The following PHLPP1 variants were observed in gnomAD, a reference collection of about 807,000 sequenced individuals.
PHLPP1 encodes PH domain leucine-rich repeat-containing protein phosphatase 1.
In PHLPP1, 42 loss-of-function variants were observed where a neutral mutation model predicts 117.2. The ratio of observed to expected loss-of-function variants is 0.36; its 90% confidence interval spans 0.28 to 0.46. PHLPP1 has a LOEUF of 0.46. Ranked by LOEUF, PHLPP1 falls within the 20% of genes least tolerant of loss-of-function variation. The pLI is 1.00. For synonymous variants in PHLPP1, 1,042 were observed against 970.7 expected (o/e 1.07, Z -1.37); for missense variants, 2,084 against 2,241.9 (o/e 0.93, Z 1.42).
intron 1 of PHLPP1, among the ~76,000 whole-genome samples, chr18:62,739,371 G>A (rs926915534): frequency 3.0e-4 from 46 of 152,186 alleles, no homozygotes; most frequent in African/African-American, 1.0e-3. Context: ...GTATTGTAGT[G>A]GTTACCTTTC....
chr18:62,789,439 A>G (rs1407522726), intron 1 of PHLPP1, among the ~76,000 whole-genome samples: 1 of 152,216 alleles, frequency 6.6e-6, no homozygotes, highest in Non-Finnish European at 1.5e-5. Flanking sequence ...CACATGGACA[A>G]ATAACGTTTC....
chr18:62,965,651 G>T (rs1910880316), intron 14 of PHLPP1, among the ~76,000 whole-genome samples: 1 of 150,372 alleles, frequency 6.7e-6, no homozygotes. Context: ...TAGAAACAGG[G>T]TTTCACCATG....
chr18:62,842,843 T>C (rs1915088164), intron 3 of PHLPP1: 1 of 152,250 alleles, frequency 6.6e-6, no homozygotes, highest in African/African-American at 2.4e-5. Context: ...CCTGTTTGGG[T>C]TTGAATCCTA....
At chr18:62,904,717 A>G (rs758401334) in intron 7 of PHLPP1, among the ~76,000 whole-genome samples, 1 of 152,230 alleles carries the variant, frequency 6.6e-6, no homozygotes, top group Non-Finnish European at 1.5e-5. Flanking sequence ...GCAGAAGGAC[A>G]TTTACAAACT....
Position 62,954,955 on chromosome 18 carries a change from C to T in PHLPP1, c.3325-3674C>T, listed in dbSNP as rs116173413. On this transcript the variant is annotated intron_variant, in intron 12 of 16. Transcript: ENST00000262719. ...AACATCTACACTTTCCAGTGCACTG[C>T]GCTTAGGATATCCGGGGAGAAACAG... 5.0e-3 allele frequency among the ~76,000 whole-genome samples: 755 copies of T among 152,214 alleles called. 3 individuals carry two copies. The highest frequency in any genetic ancestry group is 0.017 in the African/African-American group (712 of 41,500).
At chr18:62,819,076 G>T (rs1914371843) in intron 1 of PHLPP1, among the ~76,000 whole-genome samples, 1 of 152,172 alleles carries the variant, frequency 6.6e-6, no homozygotes, top group South Asian at 2.1e-4. Context: ...ATTACTGAAA[G>T]TTCAACAACC....
intron 3 of PHLPP1, among the ~76,000 whole-genome samples, chr18:62,858,471 C>T (rs138466652): frequency 6.6e-6 from 1 of 152,218 alleles, no homozygotes; most frequent in Non-Finnish European, 1.5e-5. Context: ...CCATATTGGC[C>T]AGGCTGGTCT....
chr18:62,840,010 C>A (rs984735475), intron 3 of PHLPP1: 1 of 151,778 alleles, frequency 6.6e-6, no homozygotes, highest in Non-Finnish European at 1.5e-5. Context: ...AGGAGCATTA[C>A]AATGGAATAT....
chr18:62,774,018 A>T (rs2144270828), intron 1 of PHLPP1, among the ~76,000 whole-genome samples: 1 of 152,274 alleles, frequency 6.6e-6, no homozygotes, highest in African/African-American at 2.4e-5. Flanking sequence ...CACCACCCAA[A>T]GGTCTCACTT....
chr18:62,764,499 T>C (rs1289912438), intron 1 of PHLPP1, among the ~76,000 whole-genome samples: 1 of 151,996 alleles, frequency 6.6e-6, no homozygotes, highest in African/African-American at 2.4e-5. Context: ...AGTGGGTTCT[T>C]ACTTGTACAA....
chr18:62,787,157 T>C (rs990469263), intron 1 of PHLPP1, among the ~76,000 whole-genome samples: 9 of 152,100 alleles, frequency 5.9e-5, no homozygotes, highest in East Asian at 1.9e-4. Flanking sequence ...TGCCTTTTTT[T>C]TCTCTCTTTT....
chr18:62,971,986 A>C (rs1274276124), intron 14 of PHLPP1, among the ~76,000 whole-genome samples: 1 of 151,570 alleles, frequency 6.6e-6, no homozygotes, highest in South Asian at 2.1e-4. Flanking sequence ...CAGTGAGCCG[A>C]GATCACACTA....
chr18:62,722,380 G>A (rs1910947413), intron 1 of PHLPP1, among the ~76,000 whole-genome samples: 1 of 152,188 alleles, frequency 6.6e-6, no homozygotes, highest in Admixed American at 6.5e-5. Context: ...TACTGTGAAA[G>A]TCCAGAGATC....
At chr18:62,885,101 A>G (rs1196588010) in intron 4 of PHLPP1, among the ~76,000 whole-genome samples, 1 of 152,258 alleles carries the variant, frequency 6.6e-6, no homozygotes, top group Admixed American at 6.5e-5. Context: ...TATAGATTGA[A>G]TAAGTGTTAA....
At chr18:62,730,540 G>A (rs967655007) in intron 1 of PHLPP1, among the ~76,000 whole-genome samples, 1 of 152,070 alleles carries the variant, frequency 6.6e-6, no homozygotes, top group African/African-American at 2.4e-5. Flanking sequence ...ATCTGTTTTC[G>A]GCCAGGTGCA....
intron 1 of PHLPP1, among the ~76,000 whole-genome samples, chr18:62,816,746 A>G (rs1416680396): frequency 3.3e-5 from 5 of 152,032 alleles, no homozygotes; most frequent in African/African-American, 7.2e-5. Context: ...TTTTTTGTCT[A>G]CTTGTACTTA....
Position 62,945,118 on chromosome 18 carries a change from G to A in PHLPP1, c.3171G>A (p.Ala1057=), listed in dbSNP as rs141928935. The change falls in exon 12 of 17, where the codon GCG becomes GCA. Residue 1057 remains alanine (A), a synonymous_variant. Transcript: ENST00000262719. The stretch of plus-strand genomic sequence containing the variant: ...TTTTCTCTTTTTTTAGTAAAATGGC[G>A]AAACTGGAGGAACTTGAAGAAATTG... ...RLQSFPASKM[A]KLEELEEIDL... The A allele has an allele frequency of 1.2e-4, 189 of 1,578,710 alleles. No individual in the cohort carries two copies. In the African/African-American group the frequency reaches 1.8e-3, roughly 15 times the overall value.
intron 3 of PHLPP1, among the ~76,000 whole-genome samples, chr18:62,854,772 C>T (rs141529494): frequency 1.2e-3 from 180 of 147,374 alleles, no homozygotes; most frequent in African/African-American, 4.3e-3. Flanking sequence ...TCTTGGTTCA[C>T]TGCAATCTCC....
At chr18:62,830,361 C>T (rs1914723203) in intron 2 of PHLPP1, 130 bp downstream of exon 2, 1 of 683,164 alleles carries the variant, frequency 1.5e-6, no homozygotes, top group East Asian at 2.9e-5. Context: ...CTGCCTCAGC[C>T]AGGATTACAG....
Sources: gnomAD v4.1 joint callset for allele counts (sites outside exome capture counted in the v4.1 genomes callset) on GRCh38, gnomAD v4.1.1 for gene constraint, MANE v1.5 for transcripts, NCBI Gene and HGNC (gene_info 2026-07-23, HGNC 2026-07-21) for gene names.